KHDRBS2: variants seen among roughly 807,000 people sequenced by gnomAD.
KHDRBS2 encodes the protein KH RNA binding domain containing, signal transduction associated 2, also known as KH domain-containing, RNA-binding, signal transduction-associated protein 2.
KHDRBS2 carries 26 observed loss-of-function variants against 44.3 expected under a neutral mutation model. That is an observed-to-expected ratio of 0.59 (90% CI 0.43 to 0.81). The LOEUF (loss-of-function observed/expected upper bound fraction) is 0.81, where lower values mean the gene tolerates loss of function less well. KHDRBS2 is among the 40% of genes least tolerant of loss of function. The probability of loss-of-function intolerance (pLI) is 0.00; values close to 1 mark genes in which losing one functional copy is unlikely to be tolerated. For synonymous variants in KHDRBS2, 194 were observed against 151.1 expected (o/e 1.28, Z -2.08); for missense variants, 476 against 433.1 (o/e 1.10, Z -0.88).
intron 2 of KHDRBS2, among the ~76,000 whole-genome samples, chr6:62,053,696 G>T (rs1232851882): frequency 6.6e-6 from 1 of 151,752 alleles, no homozygotes; most frequent in Non-Finnish European, 1.5e-5. Context: ...CTTAAACAAG[G>T]TAAAGATGCA....
At chr6:62,065,178 G>A (rs1401489445) in intron 2 of KHDRBS2, among the ~76,000 whole-genome samples, 1 of 152,000 alleles carries the variant, frequency 6.6e-6, no homozygotes, top group Non-Finnish European at 1.5e-5. Context: ...CTTTTACACT[G>A]TTGGTGGGAC....
chr6:61,789,990 T>C (rs780529548), intron 6 of KHDRBS2, among the ~76,000 whole-genome samples: 169 of 151,598 alleles, frequency 1.1e-3, no homozygotes, highest in Non-Finnish European at 6.1e-4. Context: ...TAATGTTTTA[T>C]AAAGATGCAG....
At chr6:61,714,292 A>T (rs1246845633) in intron 7 of KHDRBS2, among the ~76,000 whole-genome samples, 1 of 151,834 alleles carries the variant, frequency 6.6e-6, no homozygotes, top group East Asian at 1.9e-4. Context: ...AATGACCAAC[A>T]TCAACATTAC....
At chr6:62,205,796 G>C (rs1827854401) in intron 1 of KHDRBS2, among the ~76,000 whole-genome samples, 1 of 152,068 alleles carries the variant, frequency 6.6e-6, no homozygotes, top group Non-Finnish European at 1.5e-5. Flanking sequence ...TTGTGTGTAG[G>C]ATCATATCAA....
chr6:61,861,439 C>T (rs753157474), intron 6 of KHDRBS2, among the ~76,000 whole-genome samples: 43 of 152,114 alleles, frequency 2.8e-4, no homozygotes, highest in Admixed American at 1.3e-4. Flanking sequence ...TATGGCTAGC[C>T]AGTTTTCCCA....
At chr6:62,146,168 A>G (rs1363506453) in intron 2 of KHDRBS2, among the ~76,000 whole-genome samples, 1 of 151,858 alleles carries the variant, frequency 6.6e-6, no homozygotes, top group Non-Finnish European at 1.5e-5. Flanking sequence ...TCTCTATTCT[A>G]CTGAAAGGGC....
rs144870355 is a variant in KHDRBS2 at position 62,266,507 on chromosome 6, A to G, written c.91+19351T>C. Among the ~76,000 whole-genome samples, 387 of 152,114 alleles carry G rather than the reference A, an allele frequency of 2.5e-3. 3 individuals are homozygous for G. Among genetic ancestry groups the G allele is most frequent in the African/African-American group, 8.5e-3 (354 of 41,524 alleles). ...TTCCCAGTGTGATTAAGCACCAGTT[A>G]CCAATAGCAGTAACTTGCTTGAAAA... On this transcript the variant is annotated intron_variant, in intron 1 of 8. Transcript: ENST00000281156.
intron 2 of KHDRBS2, among the ~76,000 whole-genome samples, chr6:62,119,782 C>T (rs1250107937): frequency 5.3e-5 from 8 of 152,174 alleles, no homozygotes; most frequent in Non-Finnish European, 1.0e-4. Context: ...ATTAACCATA[C>T]ACTGCCTGAG....
chr6:62,252,019 G>A (rs1160643682), intron 1 of KHDRBS2, among the ~76,000 whole-genome samples: 3 of 151,816 alleles, frequency 2.0e-5, no homozygotes, highest in Non-Finnish European at 1.5e-5. Context: ...TCCCTAGGAG[G>A]AGGAGAAGAT....
rs577946404 is a variant in KHDRBS2, at chr6:62,194,427, C to G, written c.92-17115G>C. Among the ~76,000 whole-genome samples, 14 of 144,408 alleles carry G rather than the reference C, an allele frequency of 9.7e-5. No individual in the cohort carries two copies. In the East Asian group the frequency reaches 2.8e-3, roughly 29 times the overall value. 94.7% of individuals were successfully genotyped at this position (144,408 alleles called of 152,430 possible). ...GGACTTTCTAAGCAATTATATTGATCTACATGTCTGTCCTTATGTCCACAC... is the reference window on the plus strand; with the variant it reads ...GGACTTTCTAAGCAATTATATTGATGTACATGTCTGTCCTTATGTCCACAC... On this transcript the variant is annotated intron_variant, in intron 1 of 8. Transcript: ENST00000281156.
At chr6:62,146,008 C>T (rs1185283112) in intron 2 of KHDRBS2, among the ~76,000 whole-genome samples, 1 of 151,572 alleles carries the variant, frequency 6.6e-6, no homozygotes, top group Non-Finnish European at 1.5e-5. Flanking sequence ...TTTCAGTTTC[C>T]CTACTCATAG....
intron 2 of KHDRBS2, among the ~76,000 whole-genome samples, chr6:62,061,210 G>T (rs1423174023): frequency 6.6e-6 from 1 of 151,176 alleles, no homozygotes; most frequent in East Asian, 2.0e-4. Context: ...ATTTGATCCT[G>T]TCATTATGAT....
At chr6:62,041,481 T>C (rs1051344356) in intron 3 of KHDRBS2, among the ~76,000 whole-genome samples, 1 of 152,166 alleles carries the variant, frequency 6.6e-6, no homozygotes, top group African/African-American at 2.4e-5. Context: ...CATACATTCT[T>C]TTTTAATAGC....
intron 4 of KHDRBS2, among the ~76,000 whole-genome samples, chr6:61,945,413 TACC>T (rs1011163771): frequency 1.3e-5 from 2 of 151,654 alleles, no homozygotes; most frequent in Non-Finnish European, 2.9e-5. Flanking sequence ...CAGAATTTAT[TACC>T]ACTTCTCCAT....
At chr6:61,553,373 T>A in the KHDRBS2 span, among the ~76,000 whole-genome samples, 2 of 152,066 alleles carry the variant, frequency 1.3e-5, no homozygotes. Context: ...CTGATTGACT[T>A]TATTCTTATC....
intron 2 of KHDRBS2, among the ~76,000 whole-genome samples, chr6:62,081,650 T>C (rs1797418275): frequency 6.6e-6 from 1 of 152,114 alleles, no homozygotes; most frequent in Non-Finnish European, 1.5e-5. Context: ...TGGTAGCACA[T>C]TTCAAAGAGT....
chr6:62,277,016 C>T lies in KHDRBS2; in HGVS notation c.91+8842G>A, dbSNP rs186301332. ...GGGTAGATTACTTGTGGTAATGCATCGTCTAGTACAGTGTCTGGCAAAGAG... is the reference window on the plus strand; with the variant it reads ...GGGTAGATTACTTGTGGTAATGCATTGTCTAGTACAGTGTCTGGCAAAGAG... On this transcript the variant is annotated intron_variant, in intron 1 of 8. Coordinates refer to ENST00000281156, the MANE Select transcript of KHDRBS2 (RefSeq NM_152688.4). Among the ~76,000 whole-genome samples, 4 of 152,188 alleles carry T rather than the reference C, an allele frequency of 2.6e-5. No individual in the cohort carries two copies. The East Asian group carries it at 5.8e-4, about 22-fold the overall frequency.
At chr6:62,221,432 C>T (rs1445022606) in intron 1 of KHDRBS2, among the ~76,000 whole-genome samples, 1 of 151,864 alleles carries the variant, frequency 6.6e-6, no homozygotes, top group African/African-American at 2.4e-5. Flanking sequence ...AAGATTTTTG[C>T]TAATTGAGTA....
In KHDRBS2 at chr6:62,220,448, A is replaced by C. The variant is rs531643569; in HGVS notation, c.92-43136T>G. On this transcript the variant is annotated intron_variant, in intron 1 of 8. Transcript: ENST00000281156. ...ATTGTACACATATACACAAATATAC[A>C]TAAGTGTATGTATGTATGCAAGTAT... Among the ~76,000 whole-genome samples, 3 of 151,938 alleles carry C rather than the reference A, an allele frequency of 2.0e-5. No homozygotes were observed. The East Asian group carries it at 5.8e-4, about 29-fold the overall frequency.
Sources: gnomAD v4.1 joint callset for allele counts (sites outside exome capture counted in the v4.1 genomes callset) on GRCh38, gnomAD v4.1.1 for gene constraint, MANE v1.5 for transcripts, NCBI Gene and HGNC (gene_info 2026-07-23, HGNC 2026-07-21) for gene names.